Variants in B4GALNT3 observed in about 807,000 individuals in gnomAD.
B4GALNT3 encodes beta-1,4-N-acetyl-galactosaminyltransferase 3, also known as beta-1,4-N-acetylgalactosaminyltransferase 3.
B4GALNT3 carries 86 observed loss-of-function variants against 120.2 expected under a neutral mutation model. The observed-to-expected ratio is 0.72, with a 90% CI of 0.60 to 0.86. B4GALNT3 has a LOEUF of 0.86. B4GALNT3 is among the 40% of genes least tolerant of loss of function. The pLI, the probability that B4GALNT3 is intolerant of heterozygous loss-of-function variation, is 0.00. For missense variants in B4GALNT3, 1,167 were observed against 1,298.9 expected (o/e 0.90, Z 1.56); for synonymous variants, 518 against 510.4 (o/e 1.01, Z -0.20).
At chr12:506,858 G>T (rs921508842) in intron 1 of B4GALNT3, among the ~76,000 whole-genome samples, 2 of 152,096 alleles carry the variant, frequency 1.3e-5, no homozygotes, top group Non-Finnish European at 1.5e-5. Flanking sequence ...GGATGGTCTC[G>T]ATCTCCTGAC....
Position 553,575 on chromosome 12 carries a change from C to A in B4GALNT3, c.1652C>A (p.Pro551His). The A allele has an allele frequency of 6.2e-7, 1 of 1,613,966 alleles. No individual in the cohort carries two copies. Among genetic ancestry groups the A allele is most frequent in the Non-Finnish European group, 8.5e-7 (1 of 1,179,912 alleles). The change falls in exon 14 of 20, where the codon CCC (proline) becomes CAC (histidine). Residue 551 changes from proline (P) to histidine (H), a missense_variant. Pro to His is a moderately conservative substitution (Grantham distance 77). Transcript: ENST00000266383. The part of the protein sequence containing the change: ...LPQMRGPRPR[P>H]AGDSPRKTQW... ...CAGATGAGGGGGCCCAGGCCCAGGC[C>A]CGCTGGTGACAGCCCCAGGAAGACT...
intron 1 of B4GALNT3, among the ~76,000 whole-genome samples, chr12:486,298 C>T (rs928257476): frequency 1.3e-5 from 2 of 151,282 alleles, no homozygotes; most frequent in Non-Finnish European, 2.9e-5. Context: ...CAACCTCCAC[C>T]CCTCAAGTTT....
At chr12:490,347 A>G (rs1946328922) in intron 1 of B4GALNT3, among the ~76,000 whole-genome samples, 1 of 152,220 alleles carries the variant, frequency 6.6e-6, no homozygotes, top group Non-Finnish European at 1.5e-5. Context: ...ATAAGCCTCT[A>G]AGCCATGCTA....
At chr12:497,826 G>C (rs1023256593) in intron 1 of B4GALNT3, among the ~76,000 whole-genome samples, 3 of 152,022 alleles carry the variant, frequency 2.0e-5, no homozygotes, top group African/African-American at 7.3e-5. Flanking sequence ...CTGCATCCCT[G>C]GGCTGTTTTT....
At chr12:484,474 A>G (rs1370486409) in intron 1 of B4GALNT3, among the ~76,000 whole-genome samples, 1 of 152,110 alleles carries the variant, frequency 6.6e-6, no homozygotes, top group African/African-American at 2.4e-5. Flanking sequence ...GAGGAGCTTT[A>G]AGGACTCTAG....
intron 6 of B4GALNT3, among the ~76,000 whole-genome samples, chr12:546,243 T>A (rs962016927): frequency 2.7e-5 from 2 of 75,348 alleles, no homozygotes; most frequent in East Asian, 4.5e-4. Flanking sequence ...AGTGGGGAGG[T>A]GGGGAGAGGA....
At chr12:524,066 C>T (rs2120630374) in intron 1 of B4GALNT3, among the ~76,000 whole-genome samples, 1 of 152,108 alleles carries the variant, frequency 6.6e-6, no homozygotes, top group African/African-American at 2.4e-5. Context: ...ATCTCAAAAA[C>T]AAAAACAAAA....
intron 1 of B4GALNT3, among the ~76,000 whole-genome samples, chr12:524,652 AAAGAAAAAAG>A (rs1037948460): frequency 9.0e-6 from 1 of 111,668 alleles, no homozygotes; most frequent in Admixed American, 1.3e-4. Flanking sequence ...AAAAAAAAAA[AAAGAAAAAAG>A]AAAAGAAAAC....
chr12:521,459 T>C (rs747462821), intron 1 of B4GALNT3, among the ~76,000 whole-genome samples: 2 of 152,162 alleles, frequency 1.3e-5, no homozygotes, highest in Admixed American at 6.5e-5. Context: ...CTGTCTTTGA[T>C]TCTGTGAGCT....
Position 484,516 on chromosome 12 carries a change from C to G in B4GALNT3, c.169+23971C>G, listed in dbSNP as rs543713038. 2.4e-4 allele frequency among the ~76,000 whole-genome samples: 36 copies of G among 152,288 alleles called. No individual in the cohort carries two copies. The South Asian group carries it at 7.2e-3, about 31-fold the overall frequency. ...GAATTATTCGTGTAAGACCTCACCC[C>G]AAGTCAATCAGTTAGATTTGAGAGG... On this transcript the variant is annotated intron_variant, in intron 1 of 19. Coordinates refer to ENST00000266383, the MANE Select transcript of B4GALNT3 (RefSeq NM_173593.4).
chr12:540,917 G>A (rs1946907125), intron 3 of B4GALNT3, among the ~76,000 whole-genome samples: 1 of 152,058 alleles, frequency 6.6e-6, no homozygotes, highest in South Asian at 2.1e-4. Context: ...CTAATTTTTT[G>A]TATTTTTAGT....
intron 18 of B4GALNT3, 38 bp from the exon 19 acceptor site, chr12:559,257 T>C: frequency 6.2e-7 from 1 of 1,612,862 alleles, no homozygotes; most frequent in South Asian, 1.1e-5. Context: ...CCTCCTGGCC[T>C]CTGGCTCATC....
rs1355389793 is a variant in B4GALNT3 at position 548,934 on chromosome 12, T to C, written c.853+637T>C. 2.0e-5 allele frequency among the ~76,000 whole-genome samples: 3 copies of C among 151,992 alleles called. No individual in the cohort carries two copies. The highest frequency in any genetic ancestry group is 2.9e-5 in the Non-Finnish European group (2 of 67,988). On this transcript the variant is annotated intron_variant, in intron 9 of 19. Transcript: ENST00000266383. This position sits in a 1 kb window ranked among gnomAD's most constrained non-coding sequence, Gnocchi z 4.9. ...AAAACAAAACAACACAAAAAAACCC[T>C]CTGAGCGAGTCCAATCCCCTATTTT...
chr12:523,800 T>C (rs2005842), intron 1 of B4GALNT3, among the ~76,000 whole-genome samples: 136,824 of 152,328 alleles, frequency 0.9, 61,633 homozygotes, highest in East Asian at 0.98. Flanking sequence ...CAGTGGCTCA[T>C]GCCTGTAATC....
intron 19 of B4GALNT3, 96 bp downstream of exon 19, chr12:559,517 C>T (rs916386789): frequency 5.0e-5 from 77 of 1,542,250 alleles, no homozygotes; most frequent in Admixed American, 1.2e-4. Flanking sequence ...CCCCCTCGGC[C>T]GCAGAGTCCC....
In B4GALNT3 at chr12:548,923, C is replaced by CA. The variant is rs1416991214; in HGVS notation, c.853+633dup. Among the ~76,000 whole-genome samples the CA allele has an allele frequency of 6.6e-6, 1 of 151,750 alleles. No homozygotes were observed. Among genetic ancestry groups the CA allele is most frequent in the African/African-American group, 2.4e-5 (1 of 41,278 alleles). ...GCCTCAAAAGCAAAACAAAACAACACAAAAAAACCCTCTGAGCGAGTCCAA... is the reference window on the plus strand; with the variant it reads ...GCCTCAAAAGCAAAACAAAACAACACAAAAAAAACCCTCTGAGCGAGTCCAA... On this transcript the variant is annotated intron_variant, in intron 9 of 19. Coordinates refer to ENST00000266383, the MANE Select transcript of B4GALNT3 (RefSeq NM_173593.4). This position sits in a 1 kb window ranked among gnomAD's most constrained non-coding sequence, Gnocchi z 4.9.
chr12:544,463 C>T (rs373586871), intron 4 of B4GALNT3, 29 bp downstream of exon 4: 4 of 1,584,198 alleles, frequency 2.5e-6, no homozygotes, highest in Non-Finnish European at 3.5e-6. Context: ...CCTTGCCCAC[C>T]TCCCTCCACA....
At chr12:469,664 C>T (rs10849048) in intron 1 of B4GALNT3, among the ~76,000 whole-genome samples, 73,151 of 151,846 alleles carry the variant, frequency 0.48, 18,928 homozygotes, top group South Asian at 0.67. Flanking sequence ...TTGCGGAGAA[C>T]GAGAGCTGTC....
At position 552,337 on chromosome 12, in the gene B4GALNT3, C is replaced by CACACACACACACA. The variant is rs1947094313; in HGVS notation, c.1209-130_1209-129insACACACACACACA. On this transcript the variant is annotated intron_variant, in intron 12 of 19. Transcript: ENST00000266383. ...CACACACACACACACACACACACAC[C>CACACACACACACA]CGCTCACCAGCCTCCTTCCTCCACT... 4.6e-6 allele frequency: 4 copies of CACACACACACACA among 873,554 alleles called. No individual in the cohort carries two copies. In the African/African-American group the frequency reaches 7.4e-5, roughly 16 times the overall value. 54.1% of individuals were successfully genotyped at this position (873,554 alleles called of 1,614,324 possible). A position where few individuals can be genotyped will look rare whatever the true frequency, so the allele number is the denominator to read the frequency against.
Sources: gnomAD v4.1 joint callset for allele counts (sites outside exome capture counted in the v4.1 genomes callset) on GRCh38, gnomAD v4.1.1 for gene constraint, Gnocchi (gnomAD v3.1) non-coding constraint, MANE v1.5 for transcripts, NCBI Gene and HGNC (gene_info 2026-07-23, HGNC 2026-07-21) for gene names.